Variants in CDKAL1 observed in about 807,000 individuals in gnomAD.
CDKAL1 encodes the protein threonylcarbamoyladenosine tRNA methylthiotransferase.
Under a neutral mutation model 68.2 loss-of-function variants are expected in CDKAL1, and 32 were observed. The observed-to-expected ratio is 0.47, with a 90% CI of 0.35 to 0.63. The LOEUF is 0.63. Ranked by LOEUF, CDKAL1 falls within the 30% of genes least tolerant of loss-of-function variation. The pLI is 0.00. For missense variants in CDKAL1, 606 were observed against 696.7 expected, an observed-to-expected ratio of 0.87 and a Z score of 1.47; for synonymous variants, 234 against 244.3, an observed-to-expected ratio of 0.96 and a Z score of 0.39.
intron 4 of CDKAL1, among the ~76,000 whole-genome samples, chr6:20,609,729 A>G (rs1183555014): frequency 1.3e-5 from 2 of 150,832 alleles, no homozygotes; most frequent in Non-Finnish European, 2.9e-5. Flanking sequence ...GAAGCATGGT[A>G]TATATGATTT....
chr6:20,750,437 A>G (rs554537286), intron 6 of CDKAL1, among the ~76,000 whole-genome samples: 2 of 152,310 alleles, frequency 1.3e-5, no homozygotes, highest in South Asian at 2.1e-4. Context: ...ATTTATGCCA[A>G]TGGTGATTTG....
At chr6:21,051,530 T>A (rs1770537412) in intron 11 of CDKAL1, among the ~76,000 whole-genome samples, 1 of 152,126 alleles carries the variant, frequency 6.6e-6, no homozygotes, top group Non-Finnish European at 1.5e-5. Flanking sequence ...TCCTTTACTA[T>A]TTATTGATTC....
chr6:20,831,234 CT>C (rs1777705078), intron 8 of CDKAL1, among the ~76,000 whole-genome samples: 1 of 152,088 alleles, frequency 6.6e-6, no homozygotes, highest in Non-Finnish European at 1.5e-5. Flanking sequence ...GTGATGAACT[CT>C]TGGAAAACAT....
At position 20,684,802 on chromosome 6, in the gene CDKAL1, G is replaced by A. The variant is rs114768162; in HGVS notation, c.371+35425G>A. Among the ~76,000 whole-genome samples, 904 of 152,192 alleles carry A rather than the reference G, an allele frequency of 5.9e-3. 12 individuals carry two copies. Among genetic ancestry groups the A allele is most frequent in the African/African-American group, 0.02 (825 of 41,528 alleles). On this transcript the variant is annotated intron_variant, in intron 5 of 15. Transcript: ENST00000274695. ...GCATATTTTTATATGCTTATTTACC[G>A]TTTGCATGTCTTCTTTGGAGAGGTG... is the stretch of plus-strand genomic sequence containing the variant.
intron 4 of CDKAL1, among the ~76,000 whole-genome samples, chr6:20,621,150 G>T (rs1767174269): frequency 6.6e-6 from 1 of 151,994 alleles, no homozygotes; most frequent in Non-Finnish European, 1.5e-5. Flanking sequence ...AGATTTTTTG[G>T]TGGTGGTTTT....
At chr6:20,603,857 A>G (rs1766217578) in intron 4 of CDKAL1, among the ~76,000 whole-genome samples, 1 of 138,530 alleles carries the variant, frequency 7.2e-6, no homozygotes, top group East Asian at 2.2e-4. Flanking sequence ...GCTCACTGCA[A>G]CCTCCACCTC....
rs557760804 is a variant in CDKAL1, at chr6:20,885,325, A to G, written c.742+39147A>G. Among the ~76,000 whole-genome samples, 12 of 152,322 alleles carry G rather than the reference A, an allele frequency of 7.9e-5. No homozygotes were observed. The South Asian group carries it at 2.5e-3, about 32-fold the overall frequency. On this transcript the variant is annotated intron_variant, in intron 9 of 15. Transcript: ENST00000274695. ...ATGGTACTTGCATAGGAATAGACAT[A>G]TAGATCAATGGAATGGGACTGAATC... is the stretch of plus-strand genomic sequence containing the variant.
At chr6:21,008,877 G>A (rs374654) in intron 11 of CDKAL1, among the ~76,000 whole-genome samples, 29,067 of 152,090 alleles carry the variant, frequency 0.19, 3,136 homozygotes, top group Middle Eastern at 0.24. Flanking sequence ...TTCTCTTTTC[G>A]TAGACAAGAA....
At chr6:20,841,723 C>A (rs1778181678) in intron 8 of CDKAL1, among the ~76,000 whole-genome samples, 2 of 152,102 alleles carry the variant, frequency 1.3e-5, no homozygotes, top group African/African-American at 4.8e-5. Flanking sequence ...CATAGTGAGA[C>A]CCTGTCTTTA....
At chr6:20,742,881 C>A (rs1308642986) in intron 6 of CDKAL1, among the ~76,000 whole-genome samples, 4 of 151,806 alleles carry the variant, frequency 2.6e-5, no homozygotes, top group African/African-American at 9.7e-5. Context: ...TTTATCATCA[C>A]TGACTTTTTA....
At chr6:20,729,947 G>A (rs534782959) in intron 5 of CDKAL1, among the ~76,000 whole-genome samples, 31 of 152,220 alleles carry the variant, frequency 2.0e-4, no homozygotes, top group African/African-American at 6.3e-4. Context: ...ACTAAAATAC[G>A]CCAAAATCCC....
At chr6:20,858,617 T>G (rs907064954) in intron 9 of CDKAL1, among the ~76,000 whole-genome samples, 2 of 152,208 alleles carry the variant, frequency 1.3e-5, no homozygotes, top group Admixed American at 6.5e-5. Flanking sequence ...CTTATTTCTC[T>G]TTATTTGAGA....
chr6:20,582,014 A>G (rs908926716), intron 4 of CDKAL1, among the ~76,000 whole-genome samples: 2 of 152,214 alleles, frequency 1.3e-5, no homozygotes, highest in Non-Finnish European at 2.9e-5. Context: ...TTTCAAAAGT[A>G]AACATATAAA....
intron 9 of CDKAL1, among the ~76,000 whole-genome samples, chr6:20,870,590 T>C (rs1389563391): frequency 2.0e-5 from 3 of 152,188 alleles, no homozygotes; most frequent in South Asian, 2.1e-4. Flanking sequence ...CATTAAAATA[T>C]CAGCATTTTT....
chr6:21,004,928 C>G lies in CDKAL1; in HGVS notation c.1055+4556C>G, dbSNP rs149670850. ...AATGAGCTATGATCATGCTGCTGCA[C>G]TCCAGCCTGCGTGACAGAGCAAGAT... On this transcript the variant is annotated intron_variant, in intron 11 of 15. Coordinates refer to ENST00000274695, the MANE Select transcript of CDKAL1 (RefSeq NM_017774.3). Among the ~76,000 whole-genome samples, 213 of 152,304 alleles carry G rather than the reference C, an allele frequency of 1.4e-3. 4 individuals carry two copies. Among genetic ancestry groups the G allele is most frequent in the African/African-American group, 4.8e-3 (200 of 41,572 alleles).
rs1158625163 is a variant in CDKAL1, at chr6:21,098,673, T to C, written c.1237-9728T>C. ...AGGTGGAGTTGACTCACCATGAAAG[T>C]GGTAAAGAGATCTCTGGAAGCACAT... On this transcript the variant is annotated intron_variant, in intron 12 of 15. Coordinates refer to ENST00000274695, the MANE Select transcript of CDKAL1 (RefSeq NM_017774.3). Among the ~76,000 whole-genome samples the C allele has an allele frequency of 2.0e-5, 3 of 151,112 alleles. No homozygotes were observed. In the Admixed American group the frequency reaches 2.0e-4, roughly 10 times the overall value.
At chr6:20,672,270 T>TTC (rs1562014240) in intron 5 of CDKAL1, among the ~76,000 whole-genome samples, 6 of 107,166 alleles carry the variant, frequency 5.6e-5, no homozygotes, top group Non-Finnish European at 1.2e-4. Flanking sequence ...TTCTTTTTCT[T>TTC]TTTCTTTCTT....
intron 2 of CDKAL1, among the ~76,000 whole-genome samples, chr6:20,541,588 G>A (rs1220204536): frequency 6.6e-6 from 1 of 152,146 alleles, no homozygotes; most frequent in Non-Finnish European, 1.5e-5. Flanking sequence ...GTGGCCAGGA[G>A]GATGAGTTAC....
At chr6:21,031,831 C>T (rs1241557474) in intron 11 of CDKAL1, among the ~76,000 whole-genome samples, 3 of 152,098 alleles carry the variant, frequency 2.0e-5, no homozygotes, top group Admixed American at 6.5e-5. Context: ...CTTCAATACC[C>T]CAAAGTTTCT....
Sources: gnomAD v4.1 joint callset for allele counts (sites outside exome capture counted in the v4.1 genomes callset) on GRCh38, gnomAD v4.1.1 for gene constraint, MANE v1.5 for transcripts, NCBI Gene and HGNC (gene_info 2026-07-23, HGNC 2026-07-21) for gene names.